The following RNF13 variants were observed in gnomAD, a reference collection of about 807,000 sequenced individuals.
The protein encoded by RNF13 is ring finger protein 13.
A neutral mutation model predicts 37.7 loss-of-function variants in RNF13; 19 were observed. That is an observed-to-expected ratio of 0.50 (90% CI 0.35 to 0.74). RNF13 has a LOEUF of 0.74. Ranked by LOEUF, RNF13 falls within the 30% of genes least tolerant of loss-of-function variation. The pLI, the probability that RNF13 is intolerant of heterozygous loss-of-function variation, is 0.01. For synonymous variants in RNF13, 144 were observed against 157.8 expected (o/e 0.91, Z 0.65); for missense variants, 375 against 453.0 (o/e 0.83, Z 1.56).
intron 8 of RNF13, among the ~76,000 whole-genome samples, chr3:149,951,004 T>G (rs191759132): frequency 1.8e-4 from 27 of 152,314 alleles, no homozygotes; most frequent in Non-Finnish European, 2.8e-4. Flanking sequence ...TAGTTTTTCT[T>G]GGGGAAAGGC....
At chr3:149,896,472 CCTT>C (rs1366623163) in intron 5 of RNF13, among the ~76,000 whole-genome samples, 3 of 151,558 alleles carry the variant, frequency 2.0e-5, no homozygotes, top group South Asian at 2.1e-4. Flanking sequence ...TTGTTTTTGC[CCTT>C]CTTCTTTATT....
In RNF13 at chr3:149,895,586, T is replaced by G. The variant is rs759109861; in HGVS notation, c.409+26T>G. 1.1e-5 allele frequency: 15 copies of G among 1,408,294 alleles called. No homozygotes were observed. The South Asian group carries it at 1.7e-4, about 16-fold the overall frequency. The allele number at this position is 1,408,294 out of a possible 1,614,324, so 87.2% of individuals were successfully genotyped here. ...GTAAGTACAGGTATCACTTTTCTTC[T>G]CTCCTGTTTGACAGATCATTTGTAA... is the stretch of plus-strand genomic sequence containing the variant. On this transcript the variant is annotated intron_variant, in intron 5 of 9. Coordinates refer to ENST00000392894, the MANE Select transcript of RNF13 (RefSeq NM_183381.3).
chr3:149,890,761 T>G (rs1714613815), intron 4 of RNF13, among the ~76,000 whole-genome samples: 1 of 152,222 alleles, frequency 6.6e-6, no homozygotes, highest in African/African-American at 2.4e-5. Context: ...TTTGCCCTGT[T>G]GTAGCTCTCT....
At chr3:149,907,093 GT>G in intron 6 of RNF13, among the ~76,000 whole-genome samples, 1 of 152,108 alleles carries the variant, frequency 6.6e-6, no homozygotes, top group East Asian at 1.9e-4. Context: ...CTACTAACTG[GT>G]TTTTATTTGT....
intron 1 of RNF13, among the ~76,000 whole-genome samples, chr3:149,845,451 G>A (rs1419523714): frequency 1.3e-5 from 2 of 152,132 alleles, no homozygotes; most frequent in Non-Finnish European, 2.9e-5. Flanking sequence ...CCATTCAGAC[G>A]TAGAGAGGGG....
chr3:149,860,220 T>TG (rs1255940662), intron 3 of RNF13, among the ~76,000 whole-genome samples: 2 of 132,816 alleles, frequency 1.5e-5, no homozygotes, highest in Admixed American at 8.7e-5. Flanking sequence ...ATCATGCCAC[T>TG]GCACCCCAGC....
At chr3:149,881,556 C>G (rs1205888528) in intron 4 of RNF13, among the ~76,000 whole-genome samples, 1 of 152,100 alleles carries the variant, frequency 6.6e-6, no homozygotes, top group East Asian at 1.9e-4. Context: ...GCCTCGAACC[C>G]CTGACCTCAA....
intron 7 of RNF13, among the ~76,000 whole-genome samples, chr3:149,919,502 C>T (rs926623011): frequency 6.6e-6 from 1 of 152,094 alleles, no homozygotes; most frequent in African/African-American, 2.4e-5. Flanking sequence ...ATCATAAAGT[C>T]TGTACTCTTT....
chr3:149,920,195 C>T (rs1037036391), intron 7 of RNF13, among the ~76,000 whole-genome samples: 1 of 152,080 alleles, frequency 6.6e-6, no homozygotes, highest in African/African-American at 2.4e-5. Flanking sequence ...GTCTGTGGCT[C>T]ATCTGTATTT....
chr3:149,837,355 C>A (rs994217326), intron 1 of RNF13, among the ~76,000 whole-genome samples: 2 of 152,078 alleles, frequency 1.3e-5, no homozygotes, highest in African/African-American at 4.8e-5. Context: ...GATATCATGA[C>A]ATTTCTTTCC....
intron 4 of RNF13, among the ~76,000 whole-genome samples, chr3:149,891,749 T>C (rs879486339): frequency 2.2e-4 from 33 of 152,222 alleles, no homozygotes; most frequent in African/African-American, 6.0e-4. Flanking sequence ...TGTGCATGCT[T>C]TGTTTCATGA....
chr3:149,862,243 T>G (rs1026335942), intron 3 of RNF13, among the ~76,000 whole-genome samples: 9 of 152,060 alleles, frequency 5.9e-5, no homozygotes, highest in African/African-American at 1.9e-4. Flanking sequence ...CTTTCACTTT[T>G]TAAAAATGGA....
At chr3:149,941,136 A>AT (rs1482947055) in intron 8 of RNF13, among the ~76,000 whole-genome samples, 1 of 152,152 alleles carries the variant, frequency 6.6e-6, no homozygotes, top group African/African-American at 2.4e-5. Flanking sequence ...CCCCTTGTCT[A>AT]TTATAAATAA....
At chr3:149,847,224 A>T (rs150550041) in intron 2 of RNF13, among the ~76,000 whole-genome samples, 1 of 152,330 alleles carries the variant, frequency 6.6e-6, no homozygotes, top group African/African-American at 2.4e-5. Flanking sequence ...ATTTATCCAG[A>T]TGTAGCCCCA....
At chr3:149,927,446 T>C (rs1203128737) in intron 8 of RNF13, among the ~76,000 whole-genome samples, 2 of 152,228 alleles carry the variant, frequency 1.3e-5, no homozygotes, top group African/African-American at 2.4e-5. Flanking sequence ...GCAATGAACA[T>C]TGATAAAAAA....
intron 4 of RNF13, among the ~76,000 whole-genome samples, chr3:149,876,208 G>GACAAA (rs1285724059): frequency 6.6e-6 from 1 of 152,210 alleles, no homozygotes; most frequent in Non-Finnish European, 1.5e-5. Flanking sequence ...CTTTAGCAAA[G>GACAAA]GCTGGTAAAC....
chr3:149,852,729 G>A, intron 3 of RNF13, 133 bp downstream of exon 3: 1 of 421,170 alleles, frequency 2.4e-6, no homozygotes, highest in Non-Finnish European at 4.3e-6. Flanking sequence ...ATTTGTAAAG[G>A]GTCAGATTAT....
chr3:149,814,348 T>C (rs1429658039), intron 1 of RNF13: 1 of 152,164 alleles, frequency 6.6e-6, no homozygotes, highest in Non-Finnish European at 1.5e-5. Flanking sequence ...CTTTCAAGAG[T>C]TTATGCTATT....
intron 1 of RNF13, 79 bp from the exon 2 acceptor site, chr3:149,845,932 A>G (rs1411282816): frequency 1.0e-5 from 7 of 693,134 alleles, no homozygotes; most frequent in Admixed American, 7.8e-5. Flanking sequence ...ATTTTTGGAC[A>G]TTGGGAATTA....
Sources: gnomAD v4.1 joint callset for allele counts (sites outside exome capture counted in the v4.1 genomes callset) on GRCh38, gnomAD v4.1.1 for gene constraint, MANE v1.5 for transcripts, NCBI Gene and HGNC (gene_info 2026-07-23, HGNC 2026-07-21) for gene names.